Variants in CDH2 observed in about 807,000 individuals in gnomAD.
The protein encoded by CDH2 is cadherin-2.
In CDH2, 17 loss-of-function variants were observed where a neutral mutation model predicts 92.0. The observed-to-expected ratio is 0.18, with a 90% CI of 0.13 to 0.28. The LOEUF (loss-of-function observed/expected upper bound fraction) is 0.28. CDH2 is among the 10% of genes least tolerant of loss of function. The pLI, the probability that CDH2 is intolerant of heterozygous loss-of-function variation, is 1.00. For missense variants in CDH2, 862 were observed against 1,133.1 expected (o/e 0.76, Z 3.44); for synonymous variants, 419 against 415.9 (o/e 1.01, Z -0.09).
At chr18:28,029,427 A>G (rs189760617) in intron 2 of CDH2, among the ~76,000 whole-genome samples, 1 of 152,178 alleles carries the variant, frequency 6.6e-6, no homozygotes, top group Admixed American at 6.5e-5. Context: ...CCACAACTGC[A>G]GTCATGTCAA....
intron 5 of CDH2, among the ~76,000 whole-genome samples, chr18:28,006,613 C>A (rs1007020474): frequency 6.7e-6 from 1 of 149,958 alleles, no homozygotes; most frequent in East Asian, 2.0e-4. Flanking sequence ...GTAAGCCCAG[C>A]TACTTGGGAG....
Position 28,147,708 on chromosome 18 carries a change from G to T in CDH2, c.137C>A (p.Ser46Ter). The change falls in exon 2 of 16, where the codon TCG (serine) becomes TAG (stop). Residue 46 changes from serine (S) to a stop codon, truncating the protein, a stop_gained. Transcript: ENST00000269141. LOFTEE classifies it high-confidence loss of function. The stretch of plus-strand genomic sequence containing the variant: ...AGGCTGTCCTTCATGCACATCCTTC[G>T]ATAAGACTGCACTGTAAACATCTTC... The part of the protein sequence containing the change: ...FPEDVYSAVL[S>*]KDVHEGQPLL... 1 of 1,610,682 alleles carries T rather than the reference G, an allele frequency of 6.2e-7. No homozygotes were observed. The highest frequency in any genetic ancestry group is 8.5e-7 in the Non-Finnish European group (1 of 1,178,064).
At chr18:28,106,101 A>G (rs534445735) in intron 2 of CDH2, among the ~76,000 whole-genome samples, 18 of 152,338 alleles carry the variant, frequency 1.2e-4, no homozygotes, top group African/African-American at 3.1e-4. Context: ...GTCAGTCACC[A>G]TTAGCAAATG....
chr18:27,946,731 A>G (rs1909276412), downstream of CDH2, among the ~76,000 whole-genome samples: 1 of 152,024 alleles, frequency 6.6e-6, no homozygotes, highest in Admixed American at 6.6e-5. Context: ...TATAACTTAA[A>G]ATTCCTGAGT....
intron 1 of CDH2, among the ~76,000 whole-genome samples, chr18:28,161,965 C>A (rs984656249): frequency 6.6e-6 from 1 of 152,152 alleles, no homozygotes; most frequent in African/African-American, 2.4e-5. Context: ...CAGATGGGAG[C>A]ACTGTCAAAG....
chr18:28,011,821 AAC>A, intron 4 of CDH2, 23 bp downstream of exon 4: 1 of 1,608,024 alleles, frequency 6.2e-7, no homozygotes, highest in South Asian at 1.1e-5. Context: ...GTGGTATGAA[AAC>A]AGTTAAAATT....
chr18:28,011,886 G>A lies in CDH2; in HGVS notation c.506C>T (p.Pro169Leu), dbSNP rs79870170. ...RDWVIPPINL[P>L]ENSRGPFPQE... ...AGGAAAAGGTCCCCTGGAGTTTTCT[G>A]GCAAGTTGATTGGAGGGATGACCCA... The change falls in exon 4 of 16, where the codon CCA (proline) becomes CTA (leucine). Residue 169 changes from proline (P) to leucine (L), a missense_variant. Coordinates refer to ENST00000269141, the MANE Select transcript of CDH2 (RefSeq NM_001792.5). 6.2e-7 allele frequency: 1 copy of A among 1,614,034 alleles called. No individual in the cohort carries two copies. Among genetic ancestry groups the A allele is most frequent in the Non-Finnish European group, 8.5e-7 (1 of 1,179,950 alleles).
chr18:28,136,710 A>G (rs1012167681), intron 2 of CDH2, among the ~76,000 whole-genome samples: 1 of 152,172 alleles, frequency 6.6e-6, no homozygotes, highest in Admixed American at 6.6e-5. Context: ...AAATCCATCT[A>G]GACTAATATG....
intron 2 of CDH2, among the ~76,000 whole-genome samples, chr18:28,039,883 A>T (rs1034088652): frequency 6.6e-6 from 1 of 152,218 alleles, no homozygotes; most frequent in Non-Finnish European, 1.5e-5. Flanking sequence ...CTCAAGAAAA[A>T]GAGAGTATTA....
rs555017553 is a variant in CDH2, at chr18:27,967,350, GCTCC to G, written c.2350-3833_2350-3830del. Among the ~76,000 whole-genome samples, 55 of 152,180 alleles carry G rather than the reference GCTCC, an allele frequency of 3.6e-4. No homozygotes were observed. The South Asian group carries it at 0.011, about 32-fold the overall frequency. Reference sequence around the variant, plus strand: ...AATTTTAGACCTTTTGATAAAAAACGCTCCCTAATTATACATCTTTACAATCCCA... The same window carrying G: ...AATTTTAGACCTTTTGATAAAAAACGCTAATTATACATCTTTACAATCCCA... On this transcript the variant is annotated intron_variant, in intron 14 of 15. Transcript: ENST00000269141.
intron 6 of CDH2, among the ~76,000 whole-genome samples, chr18:27,940,160 C>A (rs142013299): frequency 1.3e-5 from 2 of 152,194 alleles, no homozygotes. Flanking sequence ...ACTTTCTGCA[C>A]GCTAATCTCA....
intron 1 of CDH2, among the ~76,000 whole-genome samples, chr18:28,174,167 A>C (rs979495341): frequency 1.1e-4 from 17 of 152,184 alleles, no homozygotes; most frequent in African/African-American, 4.1e-4. Context: ...CTTGTAAAAA[A>C]ACAAGGGTGC....
intron 10 of CDH2, 54 bp downstream of exon 10, chr18:27,990,043 G>A (rs2012359987): frequency 1.4e-6 from 2 of 1,474,486 alleles, no homozygotes; most frequent in Non-Finnish European, 1.9e-6. Context: ...TAAATTTTAT[G>A]CACAGCATAG....
intron 2 of CDH2, among the ~76,000 whole-genome samples, chr18:28,114,275 T>G (rs1414076617): frequency 6.6e-6 from 1 of 152,178 alleles, no homozygotes; most frequent in African/African-American, 2.4e-5. Flanking sequence ...CTGATCAATA[T>G]ACATTATATG....
intron 14 of CDH2, among the ~76,000 whole-genome samples, chr18:27,974,743 C>A (rs954122233): frequency 6.6e-6 from 1 of 152,072 alleles, no homozygotes; most frequent in Non-Finnish European, 1.5e-5. Context: ...ATAAAGAATA[C>A]CAAGGGAGGT....
intron 2 of CDH2, among the ~76,000 whole-genome samples, chr18:28,079,824 C>G (rs543491550): frequency 2.6e-5 from 4 of 152,142 alleles, no homozygotes; most frequent in African/African-American, 4.8e-5. Context: ...TTCCACCCCC[C>G]CTCAGAAAAC....
intron 2 of CDH2, among the ~76,000 whole-genome samples, chr18:28,072,986 A>G (rs1259936330): frequency 2.6e-5 from 4 of 152,178 alleles, no homozygotes; most frequent in Non-Finnish European, 5.9e-5. Context: ...TTACTGTCTT[A>G]GCTGTCAGAA....
intron 2 of CDH2, among the ~76,000 whole-genome samples, chr18:28,142,297 C>T (rs2015966710): frequency 2.0e-5 from 3 of 151,916 alleles, no homozygotes; most frequent in Admixed American, 2.0e-4. Context: ...GAAGAGATCT[C>T]AGCTAGTCCA....
At chr18:27,971,237 A>C (rs1461803164) in intron 14 of CDH2, among the ~76,000 whole-genome samples, 2 of 65,036 alleles carry the variant, frequency 3.1e-5, no homozygotes, top group Non-Finnish European at 4.8e-5. Context: ...CTCCATCTCA[A>C]AAAAAAAAAG....
Sources: gnomAD v4.1 joint callset for allele counts (sites outside exome capture counted in the v4.1 genomes callset) on GRCh38, gnomAD v4.1.1 for gene constraint, MANE v1.5 for transcripts, NCBI Gene and HGNC (gene_info 2026-07-23, HGNC 2026-07-21) for gene names.